Variants in AKAP13 observed in about 807,000 individuals in gnomAD.
AKAP13 encodes A-kinase anchor protein 13.
AKAP13 carries 80 observed loss-of-function variants against 264.5 expected under a neutral mutation model. The observed-to-expected ratio is 0.30, with a 90% confidence interval of 0.25 to 0.36. AKAP13 has a LOEUF of 0.36. Ranked by LOEUF, AKAP13 falls within the 10% of genes least tolerant of loss-of-function variation. The pLI, the probability that AKAP13 is intolerant of heterozygous loss-of-function variation, is 1.00. For synonymous variants in AKAP13, 1,380 were observed against 1,250.2 expected, an observed-to-expected ratio of 1.10 and a Z score of -2.19; for missense variants, 3,712 against 3,435.2, an observed-to-expected ratio of 1.08 and a Z score of -2.01.
intron 4 of AKAP13, 162 bp downstream of exon 4, chr15:85,534,042 A>G (rs2077316244): frequency 1.4e-6 from 1 of 712,964 alleles, no homozygotes; most frequent in South Asian, 2.2e-5. Flanking sequence ...CATCTCTTCT[A>G]GGTTCTTCAA....
intron 14 of AKAP13, among the ~76,000 whole-genome samples, chr15:85,674,850 A>G (rs896328196): frequency 5.4e-5 from 8 of 149,316 alleles, no homozygotes; most frequent in Middle Eastern, 3.4e-3. Flanking sequence ...GTATATATAT[A>G]TGAATATATG....
At chr15:85,574,993 T>G (rs935836233) in intron 5 of AKAP13, 138 bp from the exon 6 acceptor site, 1 of 685,486 alleles carries the variant, frequency 1.5e-6, no homozygotes, top group Non-Finnish European at 2.5e-6. Context: ...CTGAATCATT[T>G]GGGAGGTATA....
chr15:85,420,224 AGCCACCGC>A (rs906291143), intron 1 of AKAP13, among the ~76,000 whole-genome samples: 3 of 150,532 alleles, frequency 2.0e-5, no homozygotes, highest in Admixed American at 2.0e-4. Context: ...TACAGGCGTG[AGCCACCGC>A]GCCCGGCCTT....
chr15:85,508,269 G>C (rs191971259), intron 2 of AKAP13, among the ~76,000 whole-genome samples: 5 of 151,624 alleles, frequency 3.3e-5, no homozygotes, highest in East Asian at 3.9e-4. Flanking sequence ...TCAGCCTCCT[G>C]AGTAGCTGGG....
chr15:85,733,245 T>C (rs2088183228), intron 30 of AKAP13, among the ~76,000 whole-genome samples: 1 of 152,248 alleles, frequency 6.6e-6, no homozygotes, highest in Admixed American at 6.5e-5. Context: ...AATTATTGGC[T>C]TGTTCATATT....
intron 5 of AKAP13, among the ~76,000 whole-genome samples, chr15:85,546,321 A>AATACACACACACACACACACACACAC: frequency 6.9e-6 from 1 of 145,286 alleles, no homozygotes; most frequent in African/African-American, 2.5e-5. Context: ...GTTGTTACCA[A>AATACACACACACACACACACACACAC]ACACACACAC....
In AKAP13 at chr15:85,401,998, A is replaced by G. The variant is rs554662397; in HGVS notation, c.-12+21200A>G. Among the ~76,000 whole-genome samples the G allele has an allele frequency of 6.6e-5, 10 of 152,342 alleles. No homozygotes were observed. The South Asian group carries it at 2.1e-3, about 32-fold the overall frequency. On this transcript the variant is annotated intron_variant, in intron 1 of 36. Coordinates refer to ENST00000394518, the MANE Select transcript of AKAP13 (RefSeq NM_007200.5). ...AAACTTGTTAGTGAACAGACACTGG[A>G]TTAGGATTCAATAAATTTGGTTTAG...
At chr15:85,640,081 C>T (rs1278053288) in intron 9 of AKAP13, among the ~76,000 whole-genome samples, 1 of 152,152 alleles carries the variant, frequency 6.6e-6, no homozygotes, top group Non-Finnish European at 1.5e-5. Flanking sequence ...AGTTAGGATT[C>T]CCAACTTTTA....
At chr15:85,653,513 C>A (rs1486647289) in intron 10 of AKAP13, among the ~76,000 whole-genome samples, 1 of 152,144 alleles carries the variant, frequency 6.6e-6, no homozygotes, top group African/African-American at 2.4e-5. Flanking sequence ...CTTATGAGAT[C>A]AAGCCCAAAA....
intron 9 of AKAP13, among the ~76,000 whole-genome samples, chr15:85,641,087 TG>T (rs1364358086): frequency 6.6e-6 from 1 of 152,204 alleles, no homozygotes; most frequent in African/African-American, 2.4e-5. Context: ...TACTTTGTTT[TG>T]CAGGTTTCTG....
At chr15:85,484,391 A>G (rs2075459005) in intron 1 of AKAP13, among the ~76,000 whole-genome samples, 1 of 152,220 alleles carries the variant, frequency 6.6e-6, no homozygotes, top group African/African-American at 2.4e-5. Context: ...AAGTGAAGAT[A>G]GTCAGGAAGG....
chr15:85,737,174 C>A (rs986433916), intron 33 of AKAP13, among the ~76,000 whole-genome samples: 1 of 152,134 alleles, frequency 6.6e-6, no homozygotes, highest in African/African-American at 2.4e-5. Context: ...CCCACCTGGG[C>A]CTCCAAAAGT....
intron 17 of AKAP13, among the ~76,000 whole-genome samples, chr15:85,699,493 C>G (rs956315995): frequency 6.6e-6 from 1 of 151,806 alleles, no homozygotes; most frequent in African/African-American, 2.4e-5. Flanking sequence ...GGCTATACAC[C>G]AAACTGTTAA....
chr15:85,548,203 T>G (rs1395345988), intron 5 of AKAP13, among the ~76,000 whole-genome samples: 1 of 152,220 alleles, frequency 6.6e-6, no homozygotes, highest in Non-Finnish European at 1.5e-5. Context: ...AACTTGGAAG[T>G]CAAACCTAGG....
rs139378288 is a variant in AKAP13 at position 85,475,213 on chromosome 15, G to A, written c.-11-10497G>A. 4.4e-3 allele frequency among the ~76,000 whole-genome samples: 672 copies of A among 152,262 alleles called. 3 individuals are homozygous for A. Among genetic ancestry groups the A allele is most frequent in the Middle Eastern group, 0.01 (3 of 294 alleles). ...AAGTTAATTTACATAAAACCCAGCT[G>A]TGTAAGAATTTTTCTAAATTTAAAG... On this transcript the variant is annotated intron_variant, in intron 1 of 36. Transcript: ENST00000394518.
rs940624852 is a variant in AKAP13 at position 85,712,543 on chromosome 15, AT to A, written c.5599+1911del. 2.6e-3 allele frequency among the ~76,000 whole-genome samples: 370 copies of A among 143,122 alleles called. 1 individual carries two copies. The highest frequency in any genetic ancestry group is 0.014 in the Middle Eastern group (4 of 280). The allele number at this position is 143,122 out of a possible 152,430, so 93.9% of individuals were successfully genotyped here. A position where few individuals can be genotyped will look rare whatever the true frequency, so the allele number is the denominator to read the frequency against. ...AGTATTACCTTTGATCCCCACAAGT[AT>A]TTTTTTTTTTTTCCTTGAGACAAGA... On this transcript the variant is annotated intron_variant, in intron 19 of 36. Coordinates refer to ENST00000394518, the MANE Select transcript of AKAP13 (RefSeq NM_007200.5).
At chr15:85,507,642 C>T (rs2076277268) in intron 2 of AKAP13, among the ~76,000 whole-genome samples, 1 of 152,252 alleles carries the variant, frequency 6.6e-6, no homozygotes, top group African/African-American at 2.4e-5. Context: ...GAGGGCATGA[C>T]ATTCTTTTAG....
At chr15:85,743,981 C>A (rs1406040573) in intron 36 of AKAP13, 156 bp downstream of exon 36, 3 of 840,954 alleles carry the variant, frequency 3.6e-6, no homozygotes, top group Non-Finnish European at 5.4e-6. Flanking sequence ...TTGCTAAGAG[C>A]ACTCATGCAG....
chr15:85,700,819 TA>T (rs541090240), intron 17 of AKAP13, among the ~76,000 whole-genome samples: 25 of 151,184 alleles, frequency 1.7e-4, no homozygotes, highest in African/African-American at 5.1e-4. Flanking sequence ...GGCAAGCCAT[TA>T]AAAAAAAACT....
Sources: gnomAD v4.1 joint callset for allele counts (sites outside exome capture counted in the v4.1 genomes callset) on GRCh38, gnomAD v4.1.1 for gene constraint, MANE v1.5 for transcripts, NCBI Gene and HGNC (gene_info 2026-07-23, HGNC 2026-07-21) for gene names.